CD38: variants seen among roughly 807,000 people sequenced by gnomAD.
The protein encoded by CD38 is CD38 molecule, also known as ADP-ribosyl cyclase/cyclic ADP-ribose hydrolase 1.
CD38 carries 31 observed loss-of-function variants against 36.3 expected under a neutral mutation model. The observed-to-expected ratio is 0.85, with a 90% confidence interval of 0.64 to 1.15. The LOEUF is 1.15. CD38 is among the 50% of genes most tolerant of loss of function. The probability of loss-of-function intolerance (pLI) is 0.00; values close to 1 mark genes in which losing one functional copy is unlikely to be tolerated. For synonymous variants in CD38, 131 were observed against 135.2 expected (o/e 0.97, Z 0.22); for missense variants, 380 against 371.9 (o/e 1.02, Z -0.18).
intron 1 of CD38, among the ~76,000 whole-genome samples, chr4:15,788,184 T>A (rs1013043874): frequency 6.8e-4 from 103 of 152,220 alleles, no homozygotes; most frequent in African/African-American, 2.3e-3. Context: ...AGCATGCACC[T>A]GGCACTCCTA....
Position 15,850,316 on chromosome 4 carries a change from A to G in CD38, c.*1714A>G, listed in dbSNP as rs1266254013. ...CCTGTCTCAATAAAAGCAAAAATAA[A>G]GAAAATAAACCATATGTGTTGAACA... On this transcript the variant is annotated 3_prime_UTR_variant, in exon 8 of 8. Transcript: ENST00000226279. The G allele has an allele frequency of 6.6e-6, 1 of 152,218 alleles. No homozygotes were observed. Among genetic ancestry groups the G allele is most frequent in the Non-Finnish European group, 1.5e-5 (1 of 68,048 alleles). The allele number at this position is 152,218 out of a possible 1,614,324, so 9.4% of individuals were successfully genotyped here.
At chr4:15,816,135 G>T (rs935263297) in intron 1 of CD38, among the ~76,000 whole-genome samples, 1 of 152,180 alleles carries the variant, frequency 6.6e-6, no homozygotes, top group Non-Finnish European at 1.5e-5. Flanking sequence ...TGGTGGATAA[G>T]CTTTTTGATG....
intron 4 of CD38, among the ~76,000 whole-genome samples, chr4:15,837,437 G>C (rs1435898401): frequency 6.6e-6 from 1 of 152,164 alleles, no homozygotes; most frequent in Non-Finnish European, 1.5e-5. Flanking sequence ...GATGCTGTCA[G>C]AGTCAGAGAA....
Position 15,778,354 on chromosome 4 carries a change from C to A in CD38, c.-61C>A. 1 of 1,133,982 alleles carries A rather than the reference C, an allele frequency of 8.8e-7. No homozygotes were observed. The highest frequency in any genetic ancestry group is 1.3e-6 in the Non-Finnish European group (1 of 751,488). 70.2% of individuals were successfully genotyped at this position (1,133,982 alleles called of 1,614,324 possible). ...CAGTTTCAGAACCCAGCCAGCCTCT[C>A]TCTTGCTGCCTAGCCTCCTGCCGGC... On this transcript the variant is annotated 5_prime_UTR_variant, in exon 1 of 8. Coordinates refer to ENST00000226279, the MANE Select transcript of CD38 (RefSeq NM_001775.4). This position sits in a 1 kb window ranked among gnomAD's most constrained non-coding sequence, Gnocchi z 4.9.
chr4:15,798,330 T>A (rs1723144814), intron 1 of CD38, among the ~76,000 whole-genome samples: 1 of 152,210 alleles, frequency 6.6e-6, no homozygotes, highest in Non-Finnish European at 1.5e-5. Flanking sequence ...TTCAGCTTCT[T>A]GTCACAAGAT....
intron 1 of CD38, among the ~76,000 whole-genome samples, chr4:15,801,386 T>C (rs1723220604): frequency 6.6e-6 from 1 of 152,008 alleles, no homozygotes. Context: ...CTACCAATTC[T>C]TCTCAAACTA....
intron 1 of CD38, among the ~76,000 whole-genome samples, chr4:15,800,499 A>C (rs991720495): frequency 6.6e-6 from 1 of 152,180 alleles, no homozygotes; most frequent in African/African-American, 2.4e-5. Context: ...TAGCCATCTA[A>C]AAATTTATAG....
At chr4:15,809,412 C>T (rs530860280) in intron 1 of CD38, among the ~76,000 whole-genome samples, 9 of 152,268 alleles carry the variant, frequency 5.9e-5, no homozygotes, top group East Asian at 1.9e-4. Context: ...TTCTCATTTG[C>T]GAAATGAAGG....
At chr4:15,847,737 A>G (rs1724294811) in intron 7 of CD38, among the ~76,000 whole-genome samples, 1 of 152,114 alleles carries the variant, frequency 6.6e-6, no homozygotes, top group South Asian at 2.1e-4. Flanking sequence ...CTTATCCCCA[A>G]TACTCTTTTA....
intron 1 of CD38, among the ~76,000 whole-genome samples, chr4:15,779,288 G>T (rs757229311): frequency 1.3e-5 from 2 of 152,156 alleles, no homozygotes; most frequent in Non-Finnish European, 2.9e-5. Flanking sequence ...TTCTAAAACC[G>T]AGACATTACT....
At chr4:15,828,341 A>G (rs1723892252) in intron 3 of CD38, among the ~76,000 whole-genome samples, 1 of 152,124 alleles carries the variant, frequency 6.6e-6, no homozygotes, top group African/African-American at 2.4e-5. Flanking sequence ...TTGTAGTGAG[A>G]AAATGTGAAG....
At chr4:15,787,236 G>A (rs547896966) in intron 1 of CD38, among the ~76,000 whole-genome samples, 2 of 152,400 alleles carry the variant, frequency 1.3e-5, no homozygotes, top group South Asian at 2.1e-4. Flanking sequence ...AGCGAGCGAG[G>A]GCCACCAGCA....
At chr4:15,791,597 C>A (rs1323629123) in intron 1 of CD38, among the ~76,000 whole-genome samples, 1 of 38,732 alleles carries the variant, frequency 2.6e-5, no homozygotes, top group Non-Finnish European at 5.3e-5. Context: ...GCCCCCCGCC[C>A]GGCCAGCCGC....
chr4:15,811,774 C>T (rs191043971), intron 1 of CD38, among the ~76,000 whole-genome samples: 1 of 152,196 alleles, frequency 6.6e-6, no homozygotes, highest in African/African-American at 2.4e-5. Flanking sequence ...TCTGTCTCCC[C>T]TTCTGGGATC....
rs191043971 is a variant in CD38, at chr4:15,811,774, C to A, written c.234-4737C>A. 1.7e-3 allele frequency among the ~76,000 whole-genome samples: 263 copies of A among 152,314 alleles called. 1 individual carries two copies. Among genetic ancestry groups the A allele is most frequent in the Non-Finnish European group, 2.0e-3 (134 of 68,028 alleles). On this transcript the variant is annotated intron_variant, in intron 1 of 7. Transcript: ENST00000226279. ...GATGCAAAGCTCAAATCTGTCTCCCCTTCTGGGATCTGGGACAAGTTTTAT... is the reference window on the plus strand; with the variant it reads ...GATGCAAAGCTCAAATCTGTCTCCCATTCTGGGATCTGGGACAAGTTTTAT...
chr4:15,798,298 C>G (rs145642748), intron 1 of CD38, among the ~76,000 whole-genome samples: 68 of 152,344 alleles, frequency 4.5e-4, no homozygotes, highest in Middle Eastern at 6.8e-3. Context: ...TCCTTCCACT[C>G]TTCCATCTCC....
intron 1 of CD38, among the ~76,000 whole-genome samples, chr4:15,791,044 TG>T (rs1246995244): frequency 9.8e-4 from 103 of 104,642 alleles, no homozygotes; most frequent in African/African-American, 2.2e-3. Flanking sequence ...GGGAGGGAGG[TG>T]GGGGGGGGTC....
At chr4:15,825,779 A>G (rs1033989637) in intron 3 of CD38, 7 of 152,172 alleles carry the variant, frequency 4.6e-5, no homozygotes, top group African/African-American at 1.7e-4. Flanking sequence ...TGGGACCTAG[A>G]CCAAGGTTCT....
chr4:15,785,402 C>T (rs1722793306), intron 1 of CD38, among the ~76,000 whole-genome samples: 1 of 152,078 alleles, frequency 6.6e-6, no homozygotes, highest in African/African-American at 2.4e-5. Context: ...TACCTTTTGG[C>T]CTTGTGTTTT....
Sources: allele counts gnomAD v4.1 joint callset (sites outside exome capture counted in the v4.1 genomes callset), GRCh38; gene constraint gnomAD v4.1.1; non-coding constraint Gnocchi (gnomAD v3.1); transcripts MANE v1.5; gene names NCBI Gene and HGNC (gene_info 2026-07-23, HGNC 2026-07-21).